The following NAALADL2 variants were observed in gnomAD, a reference collection of about 807,000 sequenced individuals.
NAALADL2 encodes the protein inactive N-acetylated-alpha-linked acidic dipeptidase-like protein 2.
NAALADL2 carries 76 observed loss-of-function variants against 87.2 expected under a neutral mutation model. That is an observed-to-expected ratio of 0.87 (90% confidence interval 0.72 to 1.05). NAALADL2 has a LOEUF of 1.05. Ranked by LOEUF, NAALADL2 falls within the 50% of genes least tolerant of loss-of-function variation. NAALADL2 has a pLI of 0.00. For missense variants in NAALADL2, 1,089 were observed against 945.8 expected, an observed-to-expected ratio of 1.15 and a Z score of -1.99; for synonymous variants, 354 against 331.0, an observed-to-expected ratio of 1.07 and a Z score of -0.75.
At chr3:174,678,346 A>C (rs759226809) in intron 2 of NAALADL2, among the ~76,000 whole-genome samples, 2 of 152,154 alleles carry the variant, frequency 1.3e-5, no homozygotes, top group Non-Finnish European at 2.9e-5. Context: ...CAGGTACAAC[A>C]GTTATCTAAG....
At chr3:175,010,054 G>C (rs1264322816) in intron 1 of NAALADL2, among the ~76,000 whole-genome samples, 1 of 152,026 alleles carries the variant, frequency 6.6e-6, no homozygotes, top group Non-Finnish European at 1.5e-5. Flanking sequence ...CAATGGCAAA[G>C]AGCAGTGATT....
intron 2 of NAALADL2, among the ~76,000 whole-genome samples, chr3:174,700,683 C>T (rs1228680641): frequency 6.6e-6 from 1 of 152,020 alleles, no homozygotes; most frequent in African/African-American, 2.4e-5. Flanking sequence ...AGTTACATTC[C>T]AGTGATGGAA....
chr3:175,166,588 G>A (rs1734040971), intron 2 of NAALADL2, among the ~76,000 whole-genome samples: 1 of 151,462 alleles, frequency 6.6e-6, no homozygotes, highest in Non-Finnish European at 1.5e-5. Flanking sequence ...ATTGTGGTTG[G>A]CCATTTCTTC....
chr3:174,943,778 T>C (rs1046440745), intron 1 of NAALADL2, among the ~76,000 whole-genome samples: 1 of 152,146 alleles, frequency 6.6e-6, no homozygotes, highest in Non-Finnish European at 1.5e-5. Context: ...TGGCCTCTTC[T>C]ACTTGTTGAC....
intron 2 of NAALADL2, among the ~76,000 whole-genome samples, chr3:175,190,867 A>C (rs1315472036): frequency 6.6e-6 from 1 of 151,442 alleles, no homozygotes; most frequent in African/African-American, 2.4e-5. Flanking sequence ...AGTCCCAGCT[A>C]CTCGGGAGGC....
At chr3:175,507,410 A>G (rs1323854257) in intron 9 of NAALADL2, among the ~76,000 whole-genome samples, 5 of 151,954 alleles carry the variant, frequency 3.3e-5, no homozygotes, top group African/African-American at 9.7e-5. Context: ...TATTATTTTG[A>G]TTATTAGGCA....
intron 4 of NAALADL2, among the ~76,000 whole-genome samples, chr3:175,270,795 C>T (rs1248668020): frequency 6.6e-6 from 1 of 152,012 alleles, no homozygotes; most frequent in Non-Finnish European, 1.5e-5. Flanking sequence ...GTGAAAAGTG[C>T]CTGCTGGGCC....
chr3:175,742,449 G>C (rs1433348478), intron 12 of NAALADL2, among the ~76,000 whole-genome samples: 2 of 151,412 alleles, frequency 1.3e-5, no homozygotes, highest in East Asian at 1.9e-4. Context: ...CCAGGCTGGA[G>C]TGCAGTGGCG....
intron 2 of NAALADL2, among the ~76,000 whole-genome samples, chr3:175,160,360 C>CTT (rs71164618): frequency 0.076 from 4,305 of 56,656 alleles, 867 homozygotes; most frequent in East Asian, 0.12. Context: ...TCTTTTCTTT[C>CTT]TTTTTTTTTT....
At chr3:174,552,833 G>A (rs1046071249) in intron 2 of NAALADL2, among the ~76,000 whole-genome samples, 3 of 144,298 alleles carry the variant, frequency 2.1e-5, no homozygotes, top group Non-Finnish European at 3.0e-5. Flanking sequence ...AATCAATAAT[G>A]TATGGAGTTA....
chr3:175,652,258 G>A (rs570246199), intron 11 of NAALADL2, among the ~76,000 whole-genome samples: 1 of 152,144 alleles, frequency 6.6e-6, no homozygotes, highest in East Asian at 1.9e-4. Context: ...TATTTATATG[G>A]GGAGGCAGTG....
At chr3:174,550,996 ATTTTAT>A (rs1432865149) in intron 2 of NAALADL2, 2 of 151,908 alleles carry the variant, frequency 1.3e-5, no homozygotes, top group Non-Finnish European at 2.9e-5. Flanking sequence ...ATTTTATTTT[ATTTTAT>A]TATTATTATA....
intron 9 of NAALADL2, among the ~76,000 whole-genome samples, chr3:175,552,920 G>A (rs1248072513): frequency 1.3e-5 from 2 of 151,914 alleles, no homozygotes; most frequent in African/African-American, 4.8e-5. Flanking sequence ...AGATACTTCT[G>A]GTGACAAATA....
chr3:174,574,064 A>G (rs1325894361), intron 2 of NAALADL2, among the ~76,000 whole-genome samples: 1 of 152,186 alleles, frequency 6.6e-6, no homozygotes, highest in African/African-American at 2.4e-5. Flanking sequence ...AAGAATGTAT[A>G]TTCACCTGTG....
At chr3:175,263,006 A>T (rs1751332009) in intron 4 of NAALADL2, among the ~76,000 whole-genome samples, 1 of 151,542 alleles carries the variant, frequency 6.6e-6, no homozygotes, top group Non-Finnish European at 1.5e-5. Context: ...TTGCAAAAAA[A>T]AAAAAAACAA....
chr3:175,087,247 C>A (rs1375585597), intron 1 of NAALADL2, among the ~76,000 whole-genome samples: 1 of 152,056 alleles, frequency 6.6e-6, no homozygotes, highest in Non-Finnish European at 1.5e-5. Flanking sequence ...TGGGGGGCAG[C>A]CCCTGCCCGG....
At chr3:174,548,647 C>T (rs183347225) in intron 1 of NAALADL2, among the ~76,000 whole-genome samples, 106 of 152,164 alleles carry the variant, frequency 7.0e-4, no homozygotes, top group Non-Finnish European at 1.1e-3. Context: ...CATCTGTGAA[C>T]GGTGCTAACA....
chr3:175,057,887 G>T (rs1021023965), intron 1 of NAALADL2, among the ~76,000 whole-genome samples: 15 of 152,144 alleles, frequency 9.9e-5, no homozygotes, highest in African/African-American at 3.6e-4. Flanking sequence ...CTAACCCCTA[G>T]GCCATCATGT....
At chr3:175,374,873 CAAATAAATAAAT>C (rs35005055) in intron 5 of NAALADL2, among the ~76,000 whole-genome samples, 11,568 of 147,084 alleles carry the variant, frequency 0.079, 554 homozygotes, top group Non-Finnish European at 0.1. Context: ...GACCCTGTCG[CAAATAAATAAAT>C]AAATAAATAA....
Sources: allele counts gnomAD v4.1 joint callset (sites outside exome capture counted in the v4.1 genomes callset), GRCh38; gene constraint gnomAD v4.1.1; transcripts MANE v1.5; gene names NCBI Gene and HGNC (gene_info 2026-07-23, HGNC 2026-07-21).